Variants in UBE2E1 observed in about 807,000 individuals in gnomAD.
UBE2E1 encodes the protein ubiquitin-conjugating enzyme E2 E1.
A neutral mutation model predicts 21.4 loss-of-function variants in UBE2E1; 6 were observed. The observed-to-expected ratio is 0.28, with a 90% confidence interval of 0.15 to 0.55. UBE2E1 has a LOEUF of 0.55. Ranked by LOEUF, UBE2E1 falls within the 20% of genes least tolerant of loss-of-function variation. UBE2E1 has a pLI of 0.93. For missense variants in UBE2E1, 142 were observed against 236.5 expected (o/e 0.60, Z 2.62); for synonymous variants, 87 against 82.7 (o/e 1.05, Z -0.28).
At chr3:23,877,693 T>A (rs937634786) in intron 3 of UBE2E1, among the ~76,000 whole-genome samples, 1 of 152,148 alleles carries the variant, frequency 6.6e-6, no homozygotes, top group African/African-American at 2.4e-5. Context: ...TGATGTACTT[T>A]ATGTAAGTGA....
intron 3 of UBE2E1, among the ~76,000 whole-genome samples, chr3:23,822,137 T>C (rs1315005552): frequency 6.6e-6 from 1 of 151,852 alleles, no homozygotes; most frequent in Non-Finnish European, 1.5e-5. Flanking sequence ...TGAGGTAGAG[T>C]GATCAAGTGG....
intron 3 of UBE2E1, among the ~76,000 whole-genome samples, chr3:23,886,480 T>C (rs1431080642): frequency 3.9e-5 from 6 of 152,220 alleles, no homozygotes; most frequent in Non-Finnish European, 7.3e-5. Flanking sequence ...TTTTTTGCCA[T>C]GTCATGTTTT....
intron 3 of UBE2E1, among the ~76,000 whole-genome samples, chr3:23,831,254 T>C (rs1197498427): frequency 6.6e-6 from 1 of 152,212 alleles, no homozygotes; most frequent in East Asian, 1.9e-4. Context: ...CCAACTCTCA[T>C]CTATGCTCTC....
chr3:23,807,318 T>A lies in UBE2E1; in HGVS notation c.49T>A (p.Ser17Thr). The A allele has an allele frequency of 1.2e-6, 2 of 1,613,944 alleles. No homozygotes were observed. The highest frequency in any genetic ancestry group is 1.7e-6 in the Non-Finnish European group (2 of 1,179,966). ...CAGCACCAGCTCCTCCTCATCTTCG[T>A]CTTCCAACCAGCAAACCGAGAAAGA... ...RASTSSSSSS[S>T]SNQQTEKETN... Residue 17 changes from serine (S) to threonine (T), a missense_variant, in exon 2 of 6, where the codon TCT (serine) becomes ACT (threonine). Physicochemically the swap from Ser to Thr is moderately conservative, Grantham distance 58. Coordinates refer to ENST00000306627, the MANE Select transcript of UBE2E1 (RefSeq NM_003341.5).
At chr3:23,818,374 T>C (rs1699572618) in intron 3 of UBE2E1, among the ~76,000 whole-genome samples, 1 of 152,198 alleles carries the variant, frequency 6.6e-6, no homozygotes, top group South Asian at 2.1e-4. Flanking sequence ...GGCCTACTTT[T>C]AGATTAGATT....
chr3:23,829,783 T>G (rs777905762), intron 3 of UBE2E1, among the ~76,000 whole-genome samples: 41 of 152,198 alleles, frequency 2.7e-4, no homozygotes, highest in Admixed American at 1.2e-3. Flanking sequence ...CTCACTACTT[T>G]CTATAAATAA....
intron 3 of UBE2E1, among the ~76,000 whole-genome samples, chr3:23,859,169 G>C (rs1319371044): frequency 6.6e-6 from 1 of 152,098 alleles, no homozygotes; most frequent in Non-Finnish European, 1.5e-5. Flanking sequence ...CTCTAGTTCA[G>C]CCTGCCTTTG....
rs553705992 is a variant in UBE2E1 at position 23,825,012 on chromosome 3, A to G, written c.203+13502A>G. On this transcript the variant is annotated intron_variant, in intron 3 of 5. Coordinates refer to ENST00000306627, the MANE Select transcript of UBE2E1 (RefSeq NM_003341.5). ...GTATGACTAGTTCCCCAACAAGTAT[A>G]TACGAAACCTTGTAGGATTAGTAAT... Among the ~76,000 whole-genome samples the G allele has an allele frequency of 3.9e-5, 6 of 152,356 alleles. No homozygotes were observed. In the East Asian group the frequency reaches 5.8e-4, roughly 15 times the overall value.
In UBE2E1 at chr3:23,836,444, T is replaced by TG. The variant is rs976874601; in HGVS notation, c.203+24936dup. Among the ~76,000 whole-genome samples, 1 of 152,208 alleles carries TG rather than the reference T, an allele frequency of 6.6e-6. No homozygotes were observed. The highest frequency in any genetic ancestry group is 2.4e-5 in the African/African-American group (1 of 41,452). ...AGGAGAGACTAGGTCCAGACTCTGTTGGAGCCCTTAGTCTAGGGGAGTAAG... is the reference window on the plus strand; with the variant it reads ...AGGAGAGACTAGGTCCAGACTCTGTTGGGAGCCCTTAGTCTAGGGGAGTAAG... On this transcript the variant is annotated intron_variant, in intron 3 of 5. Transcript: ENST00000306627. This position sits in a 1 kb window ranked among gnomAD's most constrained non-coding sequence, Gnocchi z 4.1.
At chr3:23,856,035 T>C (rs1700428221) in intron 3 of UBE2E1, among the ~76,000 whole-genome samples, 1 of 152,060 alleles carries the variant, frequency 6.6e-6, no homozygotes, top group Non-Finnish European at 1.5e-5. Flanking sequence ...GGTTTTTCTT[T>C]TCTTTTCTTT....
intron 3 of UBE2E1, among the ~76,000 whole-genome samples, chr3:23,835,160 G>T (rs1258196085): frequency 6.6e-6 from 1 of 152,178 alleles, no homozygotes; most frequent in Non-Finnish European, 1.5e-5. Context: ...TGCTATCTCA[G>T]TTACATGTAA....
chr3:23,829,270 C>A (rs999504901), intron 3 of UBE2E1, among the ~76,000 whole-genome samples: 1 of 151,260 alleles, frequency 6.6e-6, no homozygotes, highest in Non-Finnish European at 1.5e-5. Context: ...AAGCGATCCT[C>A]CCACCTCAGC....
chr3:23,822,153 G>C (rs1315208025), intron 3 of UBE2E1, among the ~76,000 whole-genome samples: 1 of 152,166 alleles, frequency 6.6e-6, no homozygotes, highest in East Asian at 1.9e-4. Context: ...AGTGGGAAAT[G>C]GTGCTGTGCA....
At position 23,868,983 on chromosome 3, in the gene UBE2E1, A is replaced by C. The variant is rs999914650; in HGVS notation, c.204-18584A>C. ...CCAATGAACCTATCTCCTGTCAGTA[A>C]GTTAGCTCATTCCAAATTTTTTTCA... is the stretch of plus-strand genomic sequence containing the variant. On this transcript the variant is annotated intron_variant, in intron 3 of 5. Coordinates refer to ENST00000306627, the MANE Select transcript of UBE2E1 (RefSeq NM_003341.5). Among the ~76,000 whole-genome samples, 8 of 152,296 alleles carry C rather than the reference A, an allele frequency of 5.3e-5. No individual in the cohort carries two copies. The East Asian group carries it at 1.5e-3, about 29-fold the overall frequency.
intron 3 of UBE2E1, among the ~76,000 whole-genome samples, chr3:23,869,879 G>GGGA (rs1700747056): frequency 6.6e-6 from 1 of 152,076 alleles, no homozygotes; most frequent in African/African-American, 2.4e-5. Flanking sequence ...TGCTCTTGGG[G>GGGA]GGAGTGTTCC....
chr3:23,821,472 C>G (rs1396891081), intron 3 of UBE2E1, among the ~76,000 whole-genome samples: 1 of 152,140 alleles, frequency 6.6e-6, no homozygotes, highest in Non-Finnish European at 1.5e-5. Flanking sequence ...AAAGTCTTTT[C>G]CCACCCTCCC....
chr3:23,870,671 ATTCT>A lies in UBE2E1; in HGVS notation c.204-16893_204-16890del, dbSNP rs1342530247. Among the ~76,000 whole-genome samples the A allele has an allele frequency of 9.8e-6, 1 of 102,146 alleles. No homozygotes were observed. The highest frequency in any genetic ancestry group is 2.2e-4 in the East Asian group (1 of 4,596). The allele number at this position is 102,146 out of a possible 152,430, so 67.0% of individuals were successfully genotyped here. A position where few individuals can be genotyped will look rare whatever the true frequency, so the allele number is the denominator to read the frequency against. Reference sequence around the variant, plus strand: ...TATTTTCTTCAAGTTCCTATTTAAAATTCTTTTTTTATTTTATTTTATTTTATTG... The same window carrying A: ...TATTTTCTTCAAGTTCCTATTTAAAATTTTTTATTTTATTTTATTTTATTG... On this transcript the variant is annotated intron_variant, in intron 3 of 5. Coordinates refer to ENST00000306627, the MANE Select transcript of UBE2E1 (RefSeq NM_003341.5). The surrounding 1 kb of genome is among the most constrained non-coding windows in gnomAD (Gnocchi z 4.2).
chr3:23,821,956 G>A (rs1411006747), intron 3 of UBE2E1, among the ~76,000 whole-genome samples: 2 of 152,180 alleles, frequency 1.3e-5, no homozygotes, highest in Non-Finnish European at 2.9e-5. Flanking sequence ...GCTCTTGGGT[G>A]TCTTGGGAAT....
At chr3:23,813,452 T>G (rs1699445982) in intron 3 of UBE2E1, among the ~76,000 whole-genome samples, 1 of 152,204 alleles carries the variant, frequency 6.6e-6, no homozygotes, top group African/African-American at 2.4e-5. Flanking sequence ...AGAGTTCGGT[T>G]TTACGTTTTG....
Sources: allele counts gnomAD v4.1 joint callset (sites outside exome capture counted in the v4.1 genomes callset), GRCh38; gene constraint gnomAD v4.1.1; non-coding constraint Gnocchi (gnomAD v3.1); transcripts MANE v1.5; gene names NCBI Gene and HGNC (gene_info 2026-07-23, HGNC 2026-07-21).